Variants in SOX6 observed in about 807,000 individuals in gnomAD.
SOX6 encodes the protein SRY-box transcription factor 6, also known as transcription factor SOX-6.
In SOX6, 11 loss-of-function variants were observed where a neutral mutation model predicts 97.8. The ratio of observed to expected loss-of-function variants is 0.11; its 90% CI spans 0.07 to 0.19. SOX6 has a LOEUF of 0.19. Among genes scored for constraint, SOX6 ranks in the 10% least tolerant of loss-of-function variants. The pLI is 1.00. For synonymous variants in SOX6, 360 were observed against 371.4 expected (o/e 0.97, Z 0.35); for missense variants, 810 against 1,039.5 (o/e 0.78, Z 3.04).
At chr11:16,703,510 C>T (rs1848109677) in intron 3 of SOX6, among the ~76,000 whole-genome samples, 1 of 152,006 alleles carries the variant, frequency 6.6e-6, no homozygotes, top group South Asian at 2.1e-4. Context: ...ATTACAAAGA[C>T]AGTTTTTGCT....
At position 16,484,242 on chromosome 11, in the gene SOX6, C is replaced by T. The variant is rs1347873100; in HGVS notation, n.610-7854G>A. 27 of 975,356 alleles carry T rather than the reference C, an allele frequency of 2.8e-5. No homozygotes were observed. The East Asian group carries it at 6.2e-4, about 22-fold the overall frequency. 60.4% of individuals were successfully genotyped at this position (975,356 alleles called of 1,614,324 possible). ...CCTTCATCCACCAGCTCCTCCATGG[C>T]TGCCCATGTGTCCAGAATGTTGGTG... On this transcript the variant is annotated intron_variant and non_coding_transcript_variant, in intron 4 of 5. Transcript: ENST00000524520.
In SOX6 at chr11:15,982,668, C is replaced by T. The variant is rs138336468; in HGVS notation, c.2183+3536G>A. On this transcript the variant is annotated intron_variant, in intron 15 of 15. Coordinates refer to ENST00000683767, the MANE Select transcript of SOX6 (RefSeq NM_001367873.1). ...TATGCTGAATTGTTTAGGAAATAAA[C>T]GCAAGAAAAAAAAAGTCTGTAGATG... 2.8e-3 allele frequency among the ~76,000 whole-genome samples: 417 copies of T among 151,316 alleles called. 10 individuals carry two copies. In the South Asian group the frequency reaches 0.051, roughly 18 times the overall value.
chr11:16,159,258 G>C (rs11023857), intron 6 of SOX6, among the ~76,000 whole-genome samples: 1 of 151,948 alleles, frequency 6.6e-6, no homozygotes, highest in Non-Finnish European at 1.5e-5. Context: ...CTCTAACTTA[G>C]ACACAAATTA....
At chr11:16,131,127 C>T (rs185536491) in intron 6 of SOX6, among the ~76,000 whole-genome samples, 4 of 151,194 alleles carry the variant, frequency 2.6e-5, no homozygotes, top group South Asian at 2.1e-4. Context: ...TCATTAAAAT[C>T]GTAAACTTTG....
intron 2 of SOX6, among the ~76,000 whole-genome samples, chr11:16,716,367 G>T (rs1261274015): frequency 6.6e-6 from 1 of 152,174 alleles, no homozygotes; most frequent in Non-Finnish European, 1.5e-5. Context: ...AACATAGAGA[G>T]AACCCATCTC....
intron 4 of SOX6, among the ~76,000 whole-genome samples, chr11:16,554,849 T>C (rs763568038): frequency 1.1e-4 from 17 of 152,006 alleles, no homozygotes; most frequent in Non-Finnish European, 2.4e-4. Context: ...AAAACCTTTG[T>C]ACCTGCCAAA....
At chr11:16,173,802 G>T (rs1197161486) in intron 6 of SOX6, among the ~76,000 whole-genome samples, 1 of 150,308 alleles carries the variant, frequency 6.7e-6, no homozygotes, top group Non-Finnish European at 1.5e-5. Context: ...TAACATATAT[G>T]GCTTTTGTAT....
At position 16,370,329 on chromosome 11, in the gene SOX6, C is replaced by A. The variant is rs1453582622; in HGVS notation, c.-4-29077G>T. ...TTCAATGAAATCCCAAGTATTTGAACAACTTATCATGTTTTTTGTCCTGAC... is the reference window on the plus strand; with the variant it reads ...TTCAATGAAATCCCAAGTATTTGAAAAACTTATCATGTTTTTTGTCCTGAC... On this transcript the variant is annotated intron_variant, in intron 1 of 15. Coordinates refer to the SOX6 transcript ENST00000396356. Among the ~76,000 whole-genome samples the A allele has an allele frequency of 3.3e-5, 5 of 152,196 alleles. 1 individual carries two copies. The South Asian group carries it at 8.3e-4, about 25-fold the overall frequency.
intron 2 of SOX6, among the ~76,000 whole-genome samples, chr11:16,723,393 T>C (rs1848281612): frequency 6.6e-6 from 1 of 152,124 alleles, no homozygotes; most frequent in Non-Finnish European, 1.5e-5. Flanking sequence ...GTTTAATACC[T>C]GGGTGATGAG....
intron 14 of SOX6, among the ~76,000 whole-genome samples, chr11:15,987,744 T>C (rs1805778707): frequency 6.6e-6 from 1 of 151,124 alleles, no homozygotes; most frequent in South Asian, 2.1e-4. Flanking sequence ...GTATGTCCAC[T>C]AGGAACATTT....
At chr11:16,713,123 G>C (rs1169341923) in intron 3 of SOX6, among the ~76,000 whole-genome samples, 1 of 152,130 alleles carries the variant, frequency 6.6e-6, no homozygotes, top group African/African-American at 2.4e-5. Context: ...TTCTGAATCA[G>C]ATTTTTTCTT....
At chr11:16,482,590 G>T (rs376491449) in intron 4 of SOX6, among the ~76,000 whole-genome samples, 63 of 152,152 alleles carry the variant, frequency 4.1e-4, no homozygotes, top group African/African-American at 1.3e-3. Flanking sequence ...GGCTCACTTT[G>T]TTCATTTTTG....
At chr11:16,382,609 A>G (rs1461987587) in intron 1 of SOX6, among the ~76,000 whole-genome samples, 4 of 151,996 alleles carry the variant, frequency 2.6e-5, no homozygotes, top group Admixed American at 2.0e-4. Flanking sequence ...ATAGTATCAT[A>G]TTTTCAAAAG....
At chr11:16,027,751 A>T (rs1855251688) in intron 12 of SOX6, among the ~76,000 whole-genome samples, 1 of 152,204 alleles carries the variant, frequency 6.6e-6, no homozygotes, top group Admixed American at 6.5e-5. Context: ...CGTGCTGCAT[A>T]TGAGAGAGGG....
At chr11:16,270,816 G>A (rs1854234927) in intron 3 of SOX6, among the ~76,000 whole-genome samples, 1 of 151,414 alleles carries the variant, frequency 6.6e-6, no homozygotes, top group African/African-American at 2.4e-5. Context: ...TCTAGAATAA[G>A]TAGATTCATA....
chr11:16,477,217 C>G (rs1860268721), upstream of SOX6, among the ~76,000 whole-genome samples: 1 of 152,134 alleles, frequency 6.6e-6, no homozygotes, highest in African/African-American at 2.4e-5. Flanking sequence ...AATAATAGAG[C>G]TTGGGTTCCT....
chr11:16,324,224 C>T (rs908267002), intron 2 of SOX6, among the ~76,000 whole-genome samples: 1 of 151,916 alleles, frequency 6.6e-6, no homozygotes, highest in African/African-American at 2.4e-5. Context: ...ATCAAACAGG[C>T]AAAGAGCAAA....
intron 4 of SOX6, among the ~76,000 whole-genome samples, chr11:16,233,804 T>G (rs1195037583): frequency 1.3e-5 from 2 of 151,446 alleles, no homozygotes; most frequent in Non-Finnish European, 2.9e-5. Flanking sequence ...GGTCAAGAGA[T>G]CAAGAACATC....
In SOX6 at chr11:16,111,825, G is replaced by C. The variant is rs777066595; in HGVS notation, c.876C>G (p.Pro292=). 2 of 1,613,100 alleles carry C rather than the reference G, an allele frequency of 1.2e-6. No individual in the cohort carries two copies. Among genetic ancestry groups the C allele is most frequent in the East Asian group, 2.2e-5 (1 of 44,870 alleles). The change falls in exon 7 of 16, where the codon CCC becomes CCG. Residue 292 remains proline, a synonymous_variant. Coordinates refer to ENST00000683767, the MANE Select transcript of SOX6 (RefSeq NM_001367873.1). ...AAAAQQGFLF[P]PGITYKPGDN... ...TACCTGGTTTGTATGTTATTCCAGG[G>C]GGGAAGAGGAATCCCTGTTGGGCAG...
Sources: gnomAD v4.1 joint callset for allele counts (sites outside exome capture counted in the v4.1 genomes callset) on GRCh38, gnomAD v4.1.1 for gene constraint, MANE v1.5 for transcripts, NCBI Gene and HGNC (gene_info 2026-07-23, HGNC 2026-07-21) for gene names.